The following NUP88 variants were observed in gnomAD, a reference collection of about 807,000 sequenced individuals.
NUP88 encodes nucleoporin 88.
NUP88 carries 57 observed loss-of-function variants against 93.9 expected under a neutral mutation model. That is an observed-to-expected ratio of 0.61 (90% CI 0.49 to 0.76). NUP88 has a LOEUF of 0.76. Among genes scored for constraint, NUP88 ranks in the 30% least tolerant of loss-of-function variants. NUP88 has a pLI of 0.00. For missense variants in NUP88, 911 were observed against 901.0 expected (o/e 1.01, Z -0.14); for synonymous variants, 346 against 336.8 (o/e 1.03, Z -0.30).
At chr17:5,400,199 T>C (rs1013741283) in intron 7 of NUP88, among the ~76,000 whole-genome samples, 2 of 148,856 alleles carry the variant, frequency 1.3e-5, no homozygotes, top group African/African-American at 4.9e-5. Context: ...TGCCTATGTT[T>C]TAAAAAGTAT....
chr17:5,419,166 C>T (rs953416169), intron 1 of NUP88, among the ~76,000 whole-genome samples, 188 bp downstream of exon 1: 2 of 152,268 alleles, frequency 1.3e-5, no homozygotes, highest in Non-Finnish European at 2.9e-5. Context: ...ATGACCCTTT[C>T]CTTCCTCCCA....
chr17:5,416,681 C>T lies in NUP88; in HGVS notation c.299G>A (p.Arg100Lys), dbSNP rs759914303. The T allele has an allele frequency of 1.1e-5, 18 of 1,602,340 alleles. No homozygotes were observed. In the South Asian group the frequency reaches 1.6e-4, roughly 14 times the overall value. The change falls in exon 2 of 17, where the codon AGA becomes AAA. Residue 100 changes from arginine to lysine, a missense_variant and splice_region_variant. Arg to Lys is a conservative substitution (Grantham distance 26, BLOSUM62 2). Transcript: ENST00000573584. ...GEEPALSQYQRLLCINPPLFE... is the reference protein window; with the variant it reads ...GEEPALSQYQKLLCINPPLFE... Reference sequence around the variant, plus strand: ...CAGGGGTGGATTTATGCAAAGCAATCTCTGAAAATTAGAGCAAACCAGTCA... The same window carrying T: ...CAGGGGTGGATTTATGCAAAGCAATTTCTGAAAATTAGAGCAAACCAGTCA...
At chr17:5,398,182 C>T (rs1272074206) in intron 8 of NUP88, among the ~76,000 whole-genome samples, 1 of 152,102 alleles carries the variant, frequency 6.6e-6, no homozygotes, top group African/African-American at 2.4e-5. Flanking sequence ...GGATTATAGG[C>T]GTAGGCCACT....
At position 5,388,894 on chromosome 17, in the gene NUP88, A is replaced by G; in HGVS notation, c.1551T>C (p.Ser517=). The G allele has an allele frequency of 6.2e-7, 1 of 1,614,034 alleles. No homozygotes were observed. The highest frequency in any genetic ancestry group is 8.5e-7 in the Non-Finnish European group (1 of 1,179,944). ...GGGTTTCAGCCAGAACACGGAGGGG[A>G]GACTCTGCCACTTCAACATCTTCTC... The part of the protein sequence containing the change: ...CTREDVEVAE[S]PLRVLAETPD... The change falls in exon 11 of 17, where the codon TCT becomes TCC. Residue 517 remains serine (S), a synonymous_variant. Coordinates refer to ENST00000573584, the MANE Select transcript of NUP88 (RefSeq NM_002532.6).
At chr17:5,394,761 G>T in intron 9 of NUP88, 130 bp downstream of exon 9, 2 of 656,572 alleles carry the variant, frequency 3.0e-6, no homozygotes, top group South Asian at 3.6e-5. Flanking sequence ...TAGGGGAGAA[G>T]TATCACGTCT....
intron 7 of NUP88, among the ~76,000 whole-genome samples, chr17:5,400,085 G>A (rs1005552686): frequency 5.1e-5 from 7 of 138,552 alleles, no homozygotes; most frequent in Admixed American, 3.8e-4. Context: ...CGTGCTGTTT[G>A]AAAAATGGTG....
At chr17:5,400,475 G>A (rs542791708) in intron 7 of NUP88, among the ~76,000 whole-genome samples, 24 of 140,796 alleles carry the variant, frequency 1.7e-4, no homozygotes, top group Admixed American at 6.8e-4. Context: ...CAGCGTGGGC[G>A]AGAGTGAAAC....
chr17:5,399,658 T>C lies in NUP88; in HGVS notation c.1193-8A>G, dbSNP rs896609739. On this transcript the variant is annotated splice_polypyrimidine_tract_variant and splice_region_variant and intron_variant, in intron 7 of 16. Coordinates refer to ENST00000573584, the MANE Select transcript of NUP88 (RefSeq NM_002532.6). Reference sequence around the variant, plus strand: ...TTGAAGGACACTTGGGATCTGCAAATGGAATGATTAATGATACAAAGGTAG... The same window carrying C: ...TTGAAGGACACTTGGGATCTGCAAACGGAATGATTAATGATACAAAGGTAG... The C allele has an allele frequency of 2.0e-6, 3 of 1,502,296 alleles. No individual in the cohort carries two copies. The highest frequency in any genetic ancestry group is 2.8e-6 in the Non-Finnish European group (3 of 1,085,102). The allele number at this position is 1,502,296 out of a possible 1,614,324, so 93.1% of individuals were successfully genotyped here.
At chr17:5,416,816 T>A in intron 1 of NUP88, 134 bp from the exon 2 acceptor site, 2 of 668,168 alleles carry the variant, frequency 3.0e-6, no homozygotes, top group Non-Finnish European at 4.6e-6. Context: ...CTCACACTTG[T>A]ACCATTAACT....
chr17:5,406,325 G>C (rs1393021209), intron 5 of NUP88, among the ~76,000 whole-genome samples: 2 of 152,288 alleles, frequency 1.3e-5, no homozygotes, highest in East Asian at 3.9e-4. Context: ...AAAGAACTAA[G>C]AACAAGAAAA....
rs925423137 is a variant in NUP88 at position 5,386,218 on chromosome 17, A to G, written c.2214T>C (p.His738=). Residue 738 remains histidine (H), a synonymous_variant, in exon 17 of 17, where the codon CAT becomes CAC. Transcript: ENST00000573584. ...GCTCCTGGTGGTGTCAGAAGTTTACATGATTGCGGATATCATTGATTTGCT... is the reference window on the plus strand; with the variant it reads ...GCTCCTGGTGGTGTCAGAAGTTTACGTGATTGCGGATATCATTGATTTGCT... ...MVKQINDIRN[H]VNF 1 of 1,613,310 alleles carries G rather than the reference A, an allele frequency of 6.2e-7. No individual in the cohort carries two copies. The highest frequency in any genetic ancestry group is 1.3e-5 in the African/African-American group (1 of 74,916).
chr17:5,410,054 A>G (rs1160825689), intron 4 of NUP88, among the ~76,000 whole-genome samples: 1 of 152,232 alleles, frequency 6.6e-6, no homozygotes, highest in African/African-American at 2.4e-5. Flanking sequence ...TGGGAAATCA[A>G]TGGGGTATGG....
intron 16 of NUP88, 135 bp from the exon 17 acceptor site, chr17:5,386,404 ATAGCAATAGTGTTCAC>A: frequency 1.4e-6 from 1 of 728,600 alleles, no homozygotes; most frequent in Non-Finnish European, 2.3e-6. Flanking sequence ...TTTCAGGTGG[ATAGCAATAGTGTTCAC>A]TATTCATTTA....
At chr17:5,391,848 C>G (rs1912457164) in intron 9 of NUP88, among the ~76,000 whole-genome samples, 186 bp from the exon 10 acceptor site, 1 of 152,188 alleles carries the variant, frequency 6.6e-6, no homozygotes. Context: ...AAGTCTAGAG[C>G]CCATGTGACT....
chr17:5,414,221 G>T, intron 2 of NUP88, 87 bp from the exon 3 acceptor site: 2 of 1,233,470 alleles, frequency 1.6e-6, no homozygotes, highest in South Asian at 2.6e-5. Flanking sequence ...TGCAGATGGA[G>T]TTTCTCTCTT....
intron 5 of NUP88, 92 bp downstream of exon 5, chr17:5,408,641 C>T (rs551400480): frequency 1.2e-5 from 12 of 963,918 alleles, no homozygotes; most frequent in African/African-American, 8.4e-5. Flanking sequence ...TTTCCACAGA[C>T]TCAAAAACAT....
At chr17:5,388,584 G>A (rs373696211) in intron 11 of NUP88, 31 of 440,944 alleles carry the variant, frequency 7.0e-5, no homozygotes, top group East Asian at 2.8e-4. Context: ...CACCACGCCC[G>A]GCCTAGCCTA....
At chr17:5,399,143 G>A (rs1163901262) in intron 8 of NUP88, among the ~76,000 whole-genome samples, 5 of 149,642 alleles carry the variant, frequency 3.3e-5, no homozygotes, top group Admixed American at 1.3e-4. Flanking sequence ...CACCCACCTC[G>A]GCCTCCCAAA....
chr17:5,400,293 T>C (rs1189186839), intron 7 of NUP88, among the ~76,000 whole-genome samples: 3 of 151,952 alleles, frequency 2.0e-5, no homozygotes, highest in Admixed American at 2.0e-4. Flanking sequence ...GGTCAGGAGT[T>C]CGAGACCAGC....
Sources: allele counts gnomAD v4.1 joint callset (sites outside exome capture counted in the v4.1 genomes callset), GRCh38; gene constraint gnomAD v4.1.1; transcripts MANE v1.5; gene names NCBI Gene and HGNC (gene_info 2026-07-23, HGNC 2026-07-21).